Variants in SH3TC2 observed in about 807,000 individuals in gnomAD.
SH3TC2 encodes SH3 domain and tetratricopeptide repeats 2.
Under a neutral mutation model 124.5 loss-of-function variants are expected in SH3TC2, and 87 were observed. That is an observed-to-expected ratio of 0.70 (90% CI 0.59 to 0.84). The LOEUF (loss-of-function observed/expected upper bound fraction) is 0.84, where lower values mean the gene tolerates loss of function less well. Among genes scored for constraint, SH3TC2 ranks in the 40% least tolerant of loss-of-function variants. SH3TC2 has a pLI of 0.00. For synonymous variants in SH3TC2, 634 were observed against 628.5 expected, an observed-to-expected ratio of 1.01 and a Z score of -0.13; for missense variants, 1,536 against 1,566.4, an observed-to-expected ratio of 0.98 and a Z score of 0.33.
In SH3TC2 at chr5:148,988,416, T is replaced by A. The variant is rs1753368541; in HGVS notation, c.*16295A>T. ...CTGGCTTTGTATAACCAATAAAATA[T>A]AGCAGATGTGACACTGTGTGACTTC... On this transcript the variant is annotated 3_prime_UTR_variant, in exon 17 of 17. Transcript: ENST00000515425. Among the ~76,000 whole-genome samples the A allele has an allele frequency of 6.6e-6, 1 of 152,204 alleles. No homozygotes were observed. The highest frequency in any genetic ancestry group is 6.5e-5 in the Admixed American group (1 of 15,292).
chr5:149,054,274 AT>A (rs34732014), intron 1 of SH3TC2, among the ~76,000 whole-genome samples: 15 of 152,094 alleles, frequency 9.9e-5, no homozygotes, highest in Non-Finnish European at 2.1e-4. Context: ...ACAGCCATAG[AT>A]TTTTTTTAAT....
At chr5:149,019,140 A>T (rs1753926761) in intron 12 of SH3TC2, among the ~76,000 whole-genome samples, 3 of 152,194 alleles carry the variant, frequency 2.0e-5, no homozygotes, top group Non-Finnish European at 4.4e-5. Context: ...CAACAGATAC[A>T]TGTGTTTATG....
At position 149,001,861 on chromosome 5, in the gene SH3TC2, A is replaced by G. The variant is rs1474025336; in HGVS notation, c.*2850T>C. The G allele has an allele frequency of 6.6e-6, 1 of 152,242 alleles. No homozygotes were observed. Among genetic ancestry groups the G allele is most frequent in the Non-Finnish European group, 1.5e-5 (1 of 68,046 alleles). 9.4% of individuals were successfully genotyped at this position (152,242 alleles called of 1,614,324 possible). Reference sequence around the variant, plus strand: ...TGGATAGAAACAACGCTCTTCACGTATGTGTGTGTATGTGTATGCATATGC... The same window carrying G: ...TGGATAGAAACAACGCTCTTCACGTGTGTGTGTGTATGTGTATGCATATGC... On this transcript the variant is annotated 3_prime_UTR_variant, in exon 17 of 17. Coordinates refer to ENST00000515425, the MANE Select transcript of SH3TC2 (RefSeq NM_024577.4).
At position 148,993,489 on chromosome 5, in the gene SH3TC2, A is replaced by G. The variant is rs984725559; in HGVS notation, c.*11222T>C. On this transcript the variant is annotated 3_prime_UTR_variant, in exon 17 of 17. Coordinates refer to ENST00000515425, the MANE Select transcript of SH3TC2 (RefSeq NM_024577.4). Reference sequence around the variant, plus strand: ...TTGGAGTAAAAATGATTGAGTAAGCATTAATTAAGAAAATACTTTCTTGAT... The same window carrying G: ...TTGGAGTAAAAATGATTGAGTAAGCGTTAATTAAGAAAATACTTTCTTGAT... Among the ~76,000 whole-genome samples the G allele has an allele frequency of 1.3e-5, 2 of 152,226 alleles. No individual in the cohort carries two copies. The highest frequency in any genetic ancestry group is 4.8e-5 in the African/African-American group (2 of 41,454).
intron 16 of SH3TC2, among the ~76,000 whole-genome samples, chr5:149,005,593 G>C (rs1753673879): frequency 6.6e-6 from 1 of 152,168 alleles, no homozygotes; most frequent in African/African-American, 2.4e-5. Context: ...TGGGAGCTAT[G>C]GGGCAGAGGC....
chr5:149,043,616 TA>T (rs1325441184), intron 4 of SH3TC2: 1 of 152,108 alleles, frequency 6.6e-6, no homozygotes, highest in Non-Finnish European at 1.5e-5. Flanking sequence ...AAATGCTTAG[TA>T]AAGGTCTGAG....
Position 149,027,127 on chromosome 5 carries a change from C to T in SH3TC2, c.2605G>A (p.Val869Met), listed in dbSNP as rs1754079937. ...ACTGCCTGGTTATGCACATCTCCCA[C>T]CTCCTGGGCTCTGTTCAAGGCCCGA... ...YLRALNRAQE[V>M]GDVHNQAVAM... The change falls in exon 11 of 17, where the codon GTG (valine) becomes ATG (methionine). Residue 869 changes from valine to methionine, a missense_variant. Coordinates refer to ENST00000515425, the MANE Select transcript of SH3TC2 (RefSeq NM_024577.4). 1 of 1,614,140 alleles carries T rather than the reference C, an allele frequency of 6.2e-7. No individual in the cohort carries two copies. The highest frequency in any genetic ancestry group is 1.1e-5 in the South Asian group (1 of 91,084).
rs1387865536 is a variant in SH3TC2, at chr5:148,983,688, T to A, written c.*21023A>T. Among the ~76,000 whole-genome samples, 1 of 152,032 alleles carries A rather than the reference T, an allele frequency of 6.6e-6. No individual in the cohort carries two copies. Among genetic ancestry groups the A allele is most frequent in the African/African-American group, 2.4e-5 (1 of 41,408 alleles). On this transcript the variant is annotated 3_prime_UTR_variant, in exon 17 of 17. Coordinates refer to ENST00000515425, the MANE Select transcript of SH3TC2 (RefSeq NM_024577.4). ...CCTGTCTGTGTTCTCTAGCCCTGAA[T>A]TCAGATGTCCCAGACTGGTCAAATA...
chr5:149,057,268 C>CA (rs34986512), intron 1 of SH3TC2, among the ~76,000 whole-genome samples: 37,960 of 152,034 alleles, frequency 0.25, 5,419 homozygotes, highest in African/African-American at 0.37. Flanking sequence ...AGTCTAGGGT[C>CA]AGTACTACAT....
intron 16 of SH3TC2, 44 bp downstream of exon 16, chr5:149,006,837 G>T (rs188131932): frequency 1.3e-6 from 2 of 1,580,866 alleles, no homozygotes; most frequent in Admixed American, 3.3e-5. Context: ...AAGGAGAATG[G>T]TTGGGTGGTG....
At chr5:149,054,766 T>C (rs192021875) in intron 1 of SH3TC2, among the ~76,000 whole-genome samples, 36 of 152,344 alleles carry the variant, frequency 2.4e-4, no homozygotes, top group Admixed American at 1.6e-3. Context: ...CCAGCCACCA[T>C]GGTGCCCACC....
chr5:149,010,296 T>G lies in SH3TC2; in HGVS notation c.3301A>C (p.Arg1101=). ...CGGTAGTACTCCACTGCATGATGCCTGTGGCGGGTCCCATTGAAGAACACA... is the reference window on the plus strand; with the variant it reads ...CGGTAGTACTCCACTGCATGATGCCGGTGGCGGGTCCCATTGAAGAACACA... The part of the protein sequence containing the change: ...GDVFFNGTRH[R]HHAVEYYRAG... Residue 1101 remains arginine, a synonymous_variant, in exon 14 of 17, where the codon AGG becomes CGG. Transcript: ENST00000515425. 1 of 1,614,234 alleles carries G rather than the reference T, an allele frequency of 6.2e-7. No individual in the cohort carries two copies. Among genetic ancestry groups the G allele is most frequent in the Non-Finnish European group, 8.5e-7 (1 of 1,180,040 alleles).
chr5:149,041,443 A>C lies in SH3TC2; in HGVS notation c.704T>G (p.Leu235Trp). The change falls in exon 6 of 17, where the codon TTG becomes TGG. Residue 235 changes from leucine to tryptophan, a missense_variant. Leu to Trp is a moderately conservative substitution (Grantham distance 61, BLOSUM62 -2). Around this residue, in one of 3 missense-constraint regions of SH3TC2, gnomAD observed 1,102 missense variants for 1,098.6 expected, o/e 1.00. Transcript: ENST00000515425. The stretch of plus-strand genomic sequence containing the variant: ...GTGGAAAGGGAGAGGCAGAGGCTCC[A>C]AGGCTGACACCAGTACCAGGCCCCG... ...GQRGLVLVSA[L>W]EPLPLPFHQW... 1.2e-6 allele frequency: 2 copies of C among 1,613,282 alleles called. No individual in the cohort carries two copies. The highest frequency in any genetic ancestry group is 1.7e-6 in the Non-Finnish European group (2 of 1,180,016).
At chr5:149,051,868 C>A (rs2161333) in intron 2 of SH3TC2, among the ~76,000 whole-genome samples, 1 of 152,186 alleles carries the variant, frequency 6.6e-6, no homozygotes, top group African/African-American at 2.4e-5. Flanking sequence ...ACCTTCAAAT[C>A]TAATTTATGA....
intron 1 of SH3TC2, among the ~76,000 whole-genome samples, chr5:149,054,261 A>G (rs956891395): frequency 6.6e-6 from 1 of 152,222 alleles, no homozygotes; most frequent in African/African-American, 2.4e-5. Context: ...TGTGGTCCAT[A>G]GTACAGCCAT....
Position 149,063,061 on chromosome 5 carries a change from A to G in SH3TC2, c.-39T>C. On this transcript the variant is annotated 5_prime_UTR_variant, in exon 1 of 17. Coordinates refer to ENST00000515425, the MANE Select transcript of SH3TC2 (RefSeq NM_024577.4). ...TACCCTGGCCGAGGCCCTTGGGAAC[A>G]CAGGCCAGAAGAGTGCTGCAAGGGA... The G allele has an allele frequency of 1.3e-6, 2 of 1,571,236 alleles. No homozygotes were observed. The highest frequency in any genetic ancestry group is 1.7e-6 in the Non-Finnish European group (2 of 1,155,996).
At chr5:149,062,843 C>G in intron 1 of SH3TC2, 128 bp downstream of exon 1, 5 of 878,354 alleles carry the variant, frequency 5.7e-6, no homozygotes, top group Non-Finnish European at 9.3e-6. Flanking sequence ...GAAGGAGAGG[C>G]AGCCAGAAAG....
rs148349804 is a variant in SH3TC2, at chr5:148,995,520, C to CTTA, written c.*9188_*9190dup. On this transcript the variant is annotated 3_prime_UTR_variant, in exon 17 of 17. Transcript: ENST00000515425. ...TTATTCTAAACAAACAAAAATTATG[C>CTTA]TTATTATTCTCAATAAACTTTTGCT... Among the ~76,000 whole-genome samples, 6,510 of 152,230 alleles carry CTTA rather than the reference C, an allele frequency of 0.043. 197 individuals are homozygous for CTTA. The highest frequency in any genetic ancestry group is 0.058 in the Non-Finnish European group (3,959 of 68,004).
chr5:148,993,656 A>G lies in SH3TC2; in HGVS notation c.*11055T>C, dbSNP rs886060133. 6.6e-6 allele frequency among the ~76,000 whole-genome samples: 1 copy of G among 152,228 alleles called. No individual in the cohort carries two copies. The highest frequency in any genetic ancestry group is 1.5e-5 in the Non-Finnish European group (1 of 68,046). On this transcript the variant is annotated 3_prime_UTR_variant, in exon 17 of 17. Coordinates refer to ENST00000515425, the MANE Select transcript of SH3TC2 (RefSeq NM_024577.4). ...ATGACAGTTCCAATAAAGGGAGGTC[A>G]CAACTTCCTGTGACTGTGCTTGGTA...
Sources: gnomAD v4.1 joint callset for allele counts (sites outside exome capture counted in the v4.1 genomes callset) on GRCh38, gnomAD v4.1.1 for gene constraint, gnomAD v4.1.1 regional missense constraint, MANE v1.5 for transcripts, NCBI Gene and HGNC (gene_info 2026-07-23, HGNC 2026-07-21) for gene names.